The following TTC28 variants were observed in gnomAD, a reference collection of about 807,000 sequenced individuals.
TTC28 encodes tetratricopeptide repeat protein 28.
A neutral mutation model predicts 198.0 loss-of-function variants in TTC28; 61 were observed. The observed-to-expected ratio is 0.31, with a 90% CI of 0.25 to 0.38. TTC28 has a LOEUF of 0.38. TTC28 is among the 10% of genes least tolerant of loss of function. The pLI is 1.00. For missense variants in TTC28, 2,678 were observed against 3,164.0 expected (o/e 0.85, Z 3.69); for synonymous variants, 1,171 against 1,297.8 (o/e 0.90, Z 2.10).
At chr22:28,537,376 A>T (rs1447190891) in intron 2 of TTC28, among the ~76,000 whole-genome samples, 1 of 151,676 alleles carries the variant, frequency 6.6e-6, no homozygotes, top group East Asian at 1.9e-4. Flanking sequence ...AAAGAAGAGG[A>T]AGCCCAAATA....
rs571382018 is a variant in TTC28, at chr22:28,089,953, G to A, written c.3932+4127C>T. ...CACAGGAAGGGGAACATCACACACC[G>A]GGGACTGTTGTGGGGTGGTGGGAGG... On this transcript the variant is annotated intron_variant, in intron 12 of 22. Coordinates refer to ENST00000397906, the MANE Select transcript of TTC28 (RefSeq NM_001145418.2). Among the ~76,000 whole-genome samples the A allele has an allele frequency of 2.2e-3, 329 of 151,770 alleles. 2 individuals carry two copies. The highest frequency in any genetic ancestry group is 7.5e-3 in the African/African-American group (311 of 41,440).
chr22:28,411,224 C>T (rs1013544569), intron 2 of TTC28, among the ~76,000 whole-genome samples: 21 of 152,096 alleles, frequency 1.4e-4, no homozygotes, highest in African/African-American at 4.6e-4. Flanking sequence ...AATGTTTTGT[C>T]GCCTTCAAAA....
At chr22:28,570,978 A>G (rs1257761344) in intron 2 of TTC28, among the ~76,000 whole-genome samples, 1 of 152,192 alleles carries the variant, frequency 6.6e-6, no homozygotes, top group Non-Finnish European at 1.5e-5. Context: ...AAATAAGGAA[A>G]TTTTAAAGCT....
At chr22:28,329,112 C>T (rs1348769699) in intron 2 of TTC28, among the ~76,000 whole-genome samples, 3 of 151,996 alleles carry the variant, frequency 2.0e-5, no homozygotes, top group Non-Finnish European at 2.9e-5. Flanking sequence ...ATGCTGCATC[C>T]GACTTTCTTC....
At chr22:28,268,878 G>A (rs113070201) in intron 5 of TTC28, among the ~76,000 whole-genome samples, 4 of 152,234 alleles carry the variant, frequency 2.6e-5, no homozygotes, top group African/African-American at 9.6e-5. Flanking sequence ...CTATTTTGGT[G>A]AGAAAGAGTA....
chr22:28,199,530 C>T (rs28717036), intron 5 of TTC28, among the ~76,000 whole-genome samples: 2 of 138,966 alleles, frequency 1.4e-5, no homozygotes, highest in Non-Finnish European at 3.1e-5. Context: ...AATACCTATA[C>T]ATATATATAT....
intron 2 of TTC28, among the ~76,000 whole-genome samples, chr22:28,488,095 C>T (rs2048333142): frequency 1.3e-5 from 2 of 152,124 alleles, no homozygotes; most frequent in Non-Finnish European, 2.9e-5. Context: ...CATAGAGAAC[C>T]AGTTGCAAAT....
At chr22:28,291,605 T>C (rs1483547457) in intron 5 of TTC28, among the ~76,000 whole-genome samples, 1 of 152,212 alleles carries the variant, frequency 6.6e-6, no homozygotes, top group East Asian at 1.9e-4. Context: ...ACATTGCTGA[T>C]AGGCCTGAAA....
At chr22:28,408,108 CTTAA>C (rs1310434617) in intron 2 of TTC28, among the ~76,000 whole-genome samples, 3 of 152,058 alleles carry the variant, frequency 2.0e-5, no homozygotes, top group East Asian at 3.9e-4. Flanking sequence ...ATAGAGTAGA[CTTAA>C]TTAATAAGAT....
intron 6 of TTC28, among the ~76,000 whole-genome samples, chr22:28,160,363 T>A (rs992955162): frequency 3.9e-5 from 6 of 152,118 alleles, no homozygotes; most frequent in African/African-American, 7.2e-5. Context: ...GAAATTTTTT[T>A]AAAAAGGTTG....
chr22:28,660,629 T>G (rs1000815399), intron 1 of TTC28, among the ~76,000 whole-genome samples: 2 of 152,156 alleles, frequency 1.3e-5, no homozygotes, highest in African/African-American at 2.4e-5. Flanking sequence ...TTTCAAGAGA[T>G]TCTTCTGTCT....
intron 2 of TTC28, among the ~76,000 whole-genome samples, chr22:28,530,368 T>C (rs1239887551): frequency 1.3e-5 from 2 of 150,368 alleles, no homozygotes; most frequent in Admixed American, 6.6e-5. Flanking sequence ...GAAAAAAGAG[T>C]GAAAAGAAAT....
chr22:28,040,122 G>T (rs1380919494), intron 12 of TTC28, among the ~76,000 whole-genome samples: 1 of 152,070 alleles, frequency 6.6e-6, no homozygotes, highest in Non-Finnish European at 1.5e-5. Context: ...AAAAGTCCAG[G>T]ACCAGACAGA....
chr22:28,286,406 A>G (rs2044687653), intron 5 of TTC28, among the ~76,000 whole-genome samples: 1 of 152,214 alleles, frequency 6.6e-6, no homozygotes, highest in Non-Finnish European at 1.5e-5. Context: ...TTAATGAGAT[A>G]CTTTACATTC....
chr22:28,118,442 C>T (rs565189237), intron 6 of TTC28, among the ~76,000 whole-genome samples: 59 of 152,068 alleles, frequency 3.9e-4, no homozygotes, highest in Admixed American at 1.3e-3. Flanking sequence ...CAAGGACAGA[C>T]ACTCAGTCAA....
intron 3 of TTC28, among the ~76,000 whole-genome samples, chr22:28,298,752 G>A (rs2044954372): frequency 6.6e-6 from 1 of 152,070 alleles, no homozygotes; most frequent in Admixed American, 6.6e-5. Flanking sequence ...CGCCCAGGCT[G>A]ATAAACTTGA....
At chr22:28,013,410 C>T (rs1938234362) in intron 14 of TTC28, among the ~76,000 whole-genome samples, 1 of 152,222 alleles carries the variant, frequency 6.6e-6, no homozygotes, top group African/African-American at 2.4e-5. Context: ...TCTGCTCAGT[C>T]AGAGGGCTGT....
At chr22:28,566,049 G>C (rs947577791) in intron 2 of TTC28, among the ~76,000 whole-genome samples, 21 of 152,094 alleles carry the variant, frequency 1.4e-4, no homozygotes, top group South Asian at 4.2e-4. Context: ...ATATGGTTTG[G>C]GGGGAGGAAT....
intron 2 of TTC28, among the ~76,000 whole-genome samples, chr22:28,537,201 G>A (rs572997290): frequency 6.6e-6 from 1 of 151,634 alleles, no homozygotes; most frequent in African/African-American, 2.4e-5. Context: ...GCCGAGGCAG[G>A]AGAATGGCGT....
Sources: allele counts gnomAD v4.1 joint callset (sites outside exome capture counted in the v4.1 genomes callset), GRCh38; gene constraint gnomAD v4.1.1; transcripts MANE v1.5; gene names NCBI Gene and HGNC (gene_info 2026-07-23, HGNC 2026-07-21).